C16orf74: variants seen among roughly 807,000 people sequenced by gnomAD.
The protein encoded by C16orf74 is uncharacterized protein C16orf74.
Under a neutral mutation model 6.5 loss-of-function variants are expected in C16orf74, and 10 were observed. The ratio of observed to expected loss-of-function variants is 1.54; its 90% CI spans 0.95 to 2.61. C16orf74 has a LOEUF of 2.61. Among genes scored for constraint, C16orf74 ranks in the 30% most tolerant of loss-of-function variants. The probability of loss-of-function intolerance (pLI) is 0.00; values close to 1 mark genes in which losing one functional copy is unlikely to be tolerated. For missense variants in C16orf74, 141 were observed against 105.9 expected (o/e 1.33, Z -1.45); for synonymous variants, 60 against 42.5 (o/e 1.41, Z -1.60).
intron 1 of C16orf74, among the ~76,000 whole-genome samples, chr16:85,742,690 C>T (rs1014709692): frequency 2.0e-5 from 3 of 152,016 alleles, no homozygotes; most frequent in Non-Finnish European, 4.4e-5. Flanking sequence ...TACAGGCATG[C>T]GCCACCACAC....
chr16:85,739,520 G>C (rs992013562), intron 1 of C16orf74, among the ~76,000 whole-genome samples: 5 of 152,210 alleles, frequency 3.3e-5, no homozygotes, highest in African/African-American at 7.2e-5. Flanking sequence ...GTCACCATGA[G>C]AGCAGCGGGA....
chr16:85,718,472 G>A (rs1418317038), intron 2 of C16orf74, among the ~76,000 whole-genome samples: 1 of 152,228 alleles, frequency 6.6e-6, no homozygotes, highest in African/African-American at 2.4e-5. Flanking sequence ...CACACACAGG[G>A]CTCCAGCCTG....
intron 1 of C16orf74, 124 bp downstream of exon 1, chr16:85,750,802 G>A (rs1450056229): frequency 6.6e-6 from 1 of 152,134 alleles, no homozygotes; most frequent in Non-Finnish European, 1.5e-5. Flanking sequence ...ACCGACCCCC[G>A]GGCCGCGCCC....
intron 2 of C16orf74, chr16:85,710,987 A>G (rs2152057565): frequency 6.6e-6 from 1 of 152,370 alleles, no homozygotes; most frequent in Non-Finnish European, 1.5e-5. Context: ...AGCCTAGCGC[A>G]TGCTCGAGAC....
chr16:85,737,266 G>A (rs1157736563), intron 1 of C16orf74, among the ~76,000 whole-genome samples: 1 of 152,174 alleles, frequency 6.6e-6, no homozygotes. Flanking sequence ...CCATGGAACA[G>A]CAGCACAGGC....
intron 2 of C16orf74, among the ~76,000 whole-genome samples, chr16:85,716,382 A>G: frequency 8.2e-6 from 1 of 121,370 alleles, no homozygotes. Context: ...AGGAGGAGAG[A>G]GGAGAGGAGG....
At chr16:85,740,438 C>T (rs995417531) in intron 1 of C16orf74, among the ~76,000 whole-genome samples, 1 of 151,350 alleles carries the variant, frequency 6.6e-6, no homozygotes, top group Non-Finnish European at 1.5e-5. Flanking sequence ...CGCGGTGGCT[C>T]ACGCCTGTAA....
chr16:85,726,194 G>A (rs2054131334), intron 2 of C16orf74, among the ~76,000 whole-genome samples: 1 of 151,970 alleles, frequency 6.6e-6, no homozygotes, highest in South Asian at 2.1e-4. Context: ...ACGAAATCCA[G>A]CCTGCTGGGT....
chr16:85,712,881 G>A (rs995330574), intron 2 of C16orf74, among the ~76,000 whole-genome samples: 1 of 152,210 alleles, frequency 6.6e-6, no homozygotes, highest in Non-Finnish European at 1.5e-5. Flanking sequence ...GTTACACTGG[G>A]TGTCCAAAGG....
At chr16:85,716,745 C>T (rs1017341363) in intron 2 of C16orf74, among the ~76,000 whole-genome samples, 5 of 151,780 alleles carry the variant, frequency 3.3e-5, no homozygotes. Flanking sequence ...GAGAGACACC[C>T]CAGCCCCTCT....
intron 2 of C16orf74, among the ~76,000 whole-genome samples, chr16:85,724,365 G>A (rs1483498834): frequency 6.6e-6 from 1 of 152,200 alleles, no homozygotes. Flanking sequence ...GAAACTGCAG[G>A]GAACGAGGGG....
intron 2 of C16orf74, among the ~76,000 whole-genome samples, chr16:85,711,718 C>T (rs1194567605): frequency 6.6e-6 from 1 of 152,068 alleles, no homozygotes; most frequent in Non-Finnish European, 1.5e-5. Context: ...TGTCCCATCA[C>T]TTTGGTTTTG....
At chr16:85,721,479 CAT>C (rs1184667042) in intron 2 of C16orf74, among the ~76,000 whole-genome samples, 1 of 152,194 alleles carries the variant, frequency 6.6e-6, no homozygotes, top group Non-Finnish European at 1.5e-5. Context: ...CCTTCCATCG[CAT>C]TTGAATCTCA....
intron 2 of C16orf74, among the ~76,000 whole-genome samples, chr16:85,721,105 A>C (rs1380687635): frequency 1.3e-5 from 2 of 152,110 alleles, no homozygotes; most frequent in Non-Finnish European, 2.9e-5. Context: ...AGAAAAGAAA[A>C]AAATGAAGCC....
chr16:85,708,539 C>A (rs917033476), intron 3 of C16orf74, among the ~76,000 whole-genome samples: 1 of 152,212 alleles, frequency 6.6e-6, no homozygotes, highest in Admixed American at 6.5e-5. Flanking sequence ...TGCTGTGTGT[C>A]CCTGGGCGAG....
rs142003457 is a variant in C16orf74 at position 85,722,959 on chromosome 16, C to G, written c.28+12231G>C. Among the ~76,000 whole-genome samples, 688 of 152,312 alleles carry G rather than the reference C, an allele frequency of 4.5e-3. 4 individuals are homozygous for G. The highest frequency in any genetic ancestry group is 0.016 in the African/African-American group (669 of 41,562). On this transcript the variant is annotated intron_variant, in intron 2 of 3. Coordinates refer to ENST00000284245, the MANE Select transcript of C16orf74 (RefSeq NM_206967.3). Reference sequence around the variant, plus strand: ...GACACGGAGGCGAAAAGAGGTTGAGCCACTTGCCCAAGATCACACAGCTAA... The same window carrying G: ...GACACGGAGGCGAAAAGAGGTTGAGGCACTTGCCCAAGATCACACAGCTAA...
chr16:85,740,894 C>T (rs911700588), intron 1 of C16orf74, among the ~76,000 whole-genome samples: 6 of 149,948 alleles, frequency 4.0e-5, no homozygotes, highest in Non-Finnish European at 8.9e-5. Flanking sequence ...TCATCATTTC[C>T]GTAACTTAAC....
intron 2 of C16orf74, among the ~76,000 whole-genome samples, chr16:85,717,645 G>A (rs773460115): frequency 4.6e-5 from 7 of 152,166 alleles, no homozygotes; most frequent in South Asian, 4.1e-4. Context: ...CAAAGCATCC[G>A]GAGCCAGGCT....
intron 1 of C16orf74, among the ~76,000 whole-genome samples, chr16:85,737,204 C>G (rs752878498): frequency 1.3e-5 from 2 of 152,096 alleles, no homozygotes; most frequent in East Asian, 1.9e-4. Context: ...GAAAGGAGGT[C>G]GAGGTTTCCA....
Sources: allele counts gnomAD v4.1 joint callset (sites outside exome capture counted in the v4.1 genomes callset), GRCh38; gene constraint gnomAD v4.1.1; transcripts MANE v1.5; gene names NCBI Gene and HGNC (gene_info 2026-07-23, HGNC 2026-07-21).